Variants in SPI1 observed in about 807,000 individuals in gnomAD.
SPI1 encodes the protein transcription factor PU.1.
Under a neutral mutation model 30.7 loss-of-function variants are expected in SPI1, and 3 were observed. The observed-to-expected ratio is 0.10, with a 90% CI of 0.04 to 0.25. The LOEUF is 0.25. SPI1 is among the 10% of genes least tolerant of loss of function. The probability of loss-of-function intolerance (pLI) is 1.00; values close to 1 mark genes in which losing one functional copy is unlikely to be tolerated. For synonymous variants in SPI1, 169 were observed against 157.1 expected (o/e 1.08, Z -0.56); for missense variants, 261 against 371.5 (o/e 0.70, Z 2.45).
intron 2 of SPI1, among the ~76,000 whole-genome samples, chr11:47,363,639 C>G (rs565566257): frequency 1.5e-3 from 232 of 152,218 alleles, no homozygotes; most frequent in South Asian, 3.7e-3. Flanking sequence ...AGGCATGAGC[C>G]ACCGAGCCCA....
At chr11:47,373,984 A>G (rs1453696416) in intron 2 of SPI1, among the ~76,000 whole-genome samples, 1 of 152,246 alleles carries the variant, frequency 6.6e-6, no homozygotes, top group African/African-American at 2.4e-5. Flanking sequence ...AAAAGGCCCA[A>G]AGGAAACGCA....
chr11:47,378,416 G>C lies in SPI1; in HGVS notation c.-63C>G. The C allele has an allele frequency of 1.3e-6, 2 of 1,559,236 alleles. No homozygotes were observed. Among genetic ancestry groups the C allele is most frequent in the Non-Finnish European group, 1.7e-6 (2 of 1,144,880 alleles). ...GTGGGGGCCAATGCAGAGCCCCTCA[G>C]GATGGGGTGCCCCGTCAGGGGCTGG... On this transcript the variant is annotated 5_prime_UTR_variant, in exon 1 of 5. Coordinates refer to ENST00000378538, the MANE Select transcript of SPI1 (RefSeq NM_003120.3).
At chr11:47,373,706 G>A (rs1217256895) in intron 2 of SPI1, among the ~76,000 whole-genome samples, 2 of 151,994 alleles carry the variant, frequency 1.3e-5, no homozygotes, top group Non-Finnish European at 2.9e-5. Context: ...ATTAAGAGTG[G>A]GACAGAGCCA....
intron 2 of SPI1, among the ~76,000 whole-genome samples, chr11:47,365,841 C>T (rs540299722): frequency 3.9e-5 from 6 of 152,176 alleles, no homozygotes; most frequent in African/African-American, 1.4e-4. Context: ...GGACTACAGG[C>T]GCCTGCCACT....
chr11:47,360,823 CA>C (rs771338982), intron 2 of SPI1, among the ~76,000 whole-genome samples: 87 of 100,266 alleles, frequency 8.7e-4, no homozygotes, highest in Non-Finnish European at 7.9e-4. Context: ...GACTCTGCCT[CA>C]AAAAAAAAAA....
In SPI1 at chr11:47,374,957, C is replaced by T. The variant is rs922576309; in HGVS notation, c.142+676G>A. Among the ~76,000 whole-genome samples the T allele has an allele frequency of 2.6e-5, 4 of 152,226 alleles. No homozygotes were observed. The highest frequency in any genetic ancestry group is 4.4e-5 in the Non-Finnish European group (3 of 68,046). On this transcript the variant is annotated intron_variant, in intron 2 of 4. Coordinates refer to ENST00000378538, the MANE Select transcript of SPI1 (RefSeq NM_003120.3). This position sits in a 1 kb window ranked among gnomAD's most constrained non-coding sequence, Gnocchi z 4.5. Reference sequence around the variant, plus strand: ...CAAGAGGTTCTCATAGGTTTTCCTTCGGCCCAGCAGTTCCCAATTAGGGGT... The same window carrying T: ...CAAGAGGTTCTCATAGGTTTTCCTTTGGCCCAGCAGTTCCCAATTAGGGGT...
At chr11:47,360,652 C>T (rs2095919339) in intron 2 of SPI1, among the ~76,000 whole-genome samples, 1 of 151,034 alleles carries the variant, frequency 6.6e-6, no homozygotes, top group Admixed American at 6.6e-5. Flanking sequence ...GTGGTGAAAT[C>T]CCATCTCTAC....
chr11:47,355,957 A>C (rs982045312), intron 4 of SPI1, among the ~76,000 whole-genome samples: 1 of 92,130 alleles, frequency 1.1e-5, no homozygotes, highest in Non-Finnish European at 2.2e-5. Context: ...AACACAATGC[A>C]ACCACTCACT....
chr11:47,355,698 G>C, intron 4 of SPI1, 152 bp from the exon 5 acceptor site: 1 of 621,728 alleles, frequency 1.6e-6, no homozygotes. Context: ...CATACACAAC[G>C]CACCCACACT....
At chr11:47,357,194 T>G (rs982583364) in intron 4 of SPI1, among the ~76,000 whole-genome samples, 2 of 148,928 alleles carry the variant, frequency 1.3e-5, no homozygotes, top group African/African-American at 5.0e-5. Context: ...CACACACACC[T>G]GCCCACACAT....
chr11:47,378,298 C>T lies in SPI1; in HGVS notation c.45+11G>A. ...CACGGGTTGGGCTGGTGGAGGAGTCCCGGTACTCACAGGGGGGACGAGGGG... is the reference window on the plus strand; with the variant it reads ...CACGGGTTGGGCTGGTGGAGGAGTCTCGGTACTCACAGGGGGGACGAGGGG... On this transcript the variant is annotated intron_variant, in intron 1 of 4. Coordinates refer to ENST00000378538, the MANE Select transcript of SPI1 (RefSeq NM_003120.3). 6.2e-7 allele frequency: 1 copy of T among 1,613,526 alleles called. No individual in the cohort carries two copies. Among genetic ancestry groups the T allele is most frequent in the Non-Finnish European group, 8.5e-7 (1 of 1,179,716 alleles).
chr11:47,355,945 T>TA (rs1158376095), intron 4 of SPI1, among the ~76,000 whole-genome samples: 1 of 134,728 alleles, frequency 7.4e-6, no homozygotes, highest in East Asian at 2.3e-4. Context: ...CACTCATGCT[T>TA]AAACACAATG....
At position 47,359,444 on chromosome 11, in the gene SPI1, C is replaced by T. The variant is rs79498485; in HGVS notation, c.330+409G>A. Among the ~76,000 whole-genome samples, 36,026 of 151,752 alleles carry T rather than the reference C, an allele frequency of 0.24. 5,673 individuals are homozygous for T. The highest frequency in any genetic ancestry group is 0.43 in the African/African-American group (17,764 of 41,338). ...GGTCAGTAGGGGTGGTAGAGGTCAG[C>T]AGAGGTCACTGATCCGGGTTAGGGT... is the stretch of plus-strand genomic sequence containing the variant. On this transcript the variant is annotated intron_variant, in intron 3 of 4. Transcript: ENST00000378538. This position sits in a 1 kb window ranked among gnomAD's most constrained non-coding sequence, Gnocchi z 5.1.
intron 2 of SPI1, among the ~76,000 whole-genome samples, chr11:47,369,367 A>T (rs1435375559): frequency 6.6e-6 from 1 of 152,182 alleles, no homozygotes; most frequent in African/African-American, 2.4e-5. Context: ...ACCCTTGTCC[A>T]GGTCACCACC....
rs1368375157 is a variant in SPI1, at chr11:47,375,294, C to T, written c.142+339G>A. ...AAAAAAGCACAGGACCTGGAGCGGA[C>T]AGACCTGGGTTCCACCCAGCAGCCG... On this transcript the variant is annotated intron_variant, in intron 2 of 4. Coordinates refer to ENST00000378538, the MANE Select transcript of SPI1 (RefSeq NM_003120.3). The surrounding 1 kb of genome is among the most constrained non-coding windows in gnomAD (Gnocchi z 4.2). 6.6e-6 allele frequency among the ~76,000 whole-genome samples: 1 copy of T among 152,202 alleles called. No individual in the cohort carries two copies. The highest frequency in any genetic ancestry group is 2.4e-5 in the African/African-American group (1 of 41,458).
intron 4 of SPI1, 66 bp downstream of exon 4, chr11:47,358,778 G>T (rs2095916143): frequency 1.3e-6 from 2 of 1,500,342 alleles, no homozygotes; most frequent in Non-Finnish European, 1.8e-6. Context: ...AGTTGGCCTG[G>T]CTGGGTGGGG....
intron 4 of SPI1, among the ~76,000 whole-genome samples, chr11:47,356,001 T>C (rs945134192): frequency 1.3e-5 from 2 of 149,476 alleles, no homozygotes; most frequent in Non-Finnish European, 3.0e-5. Flanking sequence ...ACACGTACAA[T>C]GTATCTGATC....
In SPI1 at chr11:47,375,564, T is replaced by C; in HGVS notation, c.142+69A>G. On this transcript the variant is annotated intron_variant, in intron 2 of 4. Transcript: ENST00000378538. The surrounding 1 kb of genome is among the most constrained non-coding windows in gnomAD (Gnocchi z 4.2). ...GAAGTCCTGGGAATCATTTATTCTT[T>C]TTCTCTCTCCAGACCCCAGGAGCCC... is the stretch of plus-strand genomic sequence containing the variant. 1.6e-6 allele frequency: 2 copies of C among 1,214,984 alleles called. No individual in the cohort carries two copies. The highest frequency in any genetic ancestry group is 2.4e-6 in the Non-Finnish European group (2 of 826,584). 75.3% of individuals were successfully genotyped at this position (1,214,984 alleles called of 1,614,324 possible).
At chr11:47,366,688 G>A (rs2095928602) in intron 2 of SPI1, among the ~76,000 whole-genome samples, 1 of 152,160 alleles carries the variant, frequency 6.6e-6, no homozygotes, top group Non-Finnish European at 1.5e-5. Context: ...GGGCGTGGTG[G>A]CAGGCATCTG....
Sources: gnomAD v4.1 joint callset for allele counts (sites outside exome capture counted in the v4.1 genomes callset) on GRCh38, gnomAD v4.1.1 for gene constraint, Gnocchi (gnomAD v3.1) non-coding constraint, MANE v1.5 for transcripts, NCBI Gene and HGNC (gene_info 2026-07-23, HGNC 2026-07-21) for gene names.